The following NEGR1 variants were observed in gnomAD, a reference collection of about 807,000 sequenced individuals.
The protein encoded by NEGR1 is IgLON family member 4.
Under a neutral mutation model 40.9 loss-of-function variants are expected in NEGR1, and 10 were observed. That is an observed-to-expected ratio of 0.24 (90% CI 0.15 to 0.42). The LOEUF is 0.42. Among genes scored for constraint, NEGR1 ranks in the 10% least tolerant of loss-of-function variants. The pLI is 1.00. For synonymous variants in NEGR1, 185 were observed against 166.8 expected (o/e 1.11, Z -0.84); for missense variants, 352 against 438.9 (o/e 0.80, Z 1.77).
intron 6 of NEGR1, among the ~76,000 whole-genome samples, chr1:71,527,006 G>C (rs986378020): frequency 2.6e-5 from 4 of 151,496 alleles, no homozygotes; most frequent in African/African-American, 7.3e-5. Context: ...AATGGCTTTT[G>C]CCTAAACTAA....
chr1:71,528,181 A>G (rs897557039), intron 6 of NEGR1, among the ~76,000 whole-genome samples: 6 of 151,240 alleles, frequency 4.0e-5, no homozygotes, highest in African/African-American at 1.5e-4. Flanking sequence ...TACATTTTCT[A>G]CCATTTTGAC....
At chr1:71,936,798 G>A (rs1470687959) in intron 1 of NEGR1, among the ~76,000 whole-genome samples, 1 of 152,138 alleles carries the variant, frequency 6.6e-6, no homozygotes. Flanking sequence ...CAAAAATACA[G>A]CATTGTGTTT....
chr1:71,605,743 C>T (rs1481600374), intron 5 of NEGR1, among the ~76,000 whole-genome samples: 1 of 152,080 alleles, frequency 6.6e-6, no homozygotes, highest in Non-Finnish European at 1.5e-5. Flanking sequence ...TCTAATTTTC[C>T]CAAGGCTTAA....
intron 4 of NEGR1, among the ~76,000 whole-genome samples, chr1:71,611,939 T>C (rs934805036): frequency 2.0e-5 from 3 of 152,156 alleles, no homozygotes; most frequent in African/African-American, 4.8e-5. Context: ...ATGTATTGCA[T>C]TGGCCGAGTG....
chr1:71,608,629 A>C (rs1468286887), intron 5 of NEGR1, among the ~76,000 whole-genome samples: 2 of 151,790 alleles, frequency 1.3e-5, no homozygotes, highest in Admixed American at 1.3e-4. Flanking sequence ...TCTGATTGTT[A>C]GCTTTTAAGA....
At chr1:72,163,343 T>C (rs1392596860) in intron 1 of NEGR1, among the ~76,000 whole-genome samples, 2 of 152,134 alleles carry the variant, frequency 1.3e-5, no homozygotes, top group Non-Finnish European at 2.9e-5. Context: ...AACAATAAAA[T>C]CTTTTTATTA....
chr1:71,999,253 TAA>T (rs1206814926), intron 1 of NEGR1, among the ~76,000 whole-genome samples: 2 of 151,956 alleles, frequency 1.3e-5, no homozygotes, highest in African/African-American at 2.4e-5. Context: ...TCTTCTATTT[TAA>T]AAGAGTTCAA....
chr1:72,021,109 A>G lies in NEGR1; in HGVS notation c.177-85798T>C, dbSNP rs1646752268. ...ACATTCTGACTACGAATCCATTTGAAATCAAAAATAAAATATTACATTTTG... is the reference window on the plus strand; with the variant it reads ...ACATTCTGACTACGAATCCATTTGAGATCAAAAATAAAATATTACATTTTG... On this transcript the variant is annotated intron_variant, in intron 1 of 6. Transcript: ENST00000357731. Among the ~76,000 whole-genome samples, 7 of 152,306 alleles carry G rather than the reference A, an allele frequency of 4.6e-5. No homozygotes were observed. In the South Asian group the frequency reaches 1.4e-3, roughly 32 times the overall value.
intron 4 of NEGR1, among the ~76,000 whole-genome samples, chr1:71,640,108 T>G (rs17091550): frequency 0.037 from 5,587 of 152,148 alleles, 135 homozygotes; most frequent in African/African-American, 0.073. Context: ...CTAGTAATAT[T>G]TGCAATGTGA....
chr1:71,504,108 AAAAAT>A (rs1205834039), intron 6 of NEGR1, among the ~76,000 whole-genome samples: 4 of 151,144 alleles, frequency 2.6e-5, no homozygotes, highest in Non-Finnish European at 4.4e-5. Flanking sequence ...AATTAGATAA[AAAAAT>A]AAAATAAAAT....
intron 3 of NEGR1, among the ~76,000 whole-genome samples, chr1:71,751,419 A>G (rs1013068335): frequency 5.3e-5 from 8 of 152,212 alleles, no homozygotes; most frequent in African/African-American, 1.7e-4. Context: ...AATCCCTGTT[A>G]AGGGCATTTA....
Position 71,472,681 on chromosome 1 carries a change from T to C in NEGR1, c.941-65111A>G, listed in dbSNP as rs1396917471. On this transcript the variant is annotated intron_variant, in intron 6 of 6. Coordinates refer to ENST00000357731, the MANE Select transcript of NEGR1 (RefSeq NM_173808.3). ...ACCTTTCCTTACACTGTATGATAGA[T>C]GGGTGGTGGGAAACAAAATCTACTT... is the stretch of plus-strand genomic sequence containing the variant. 3 of 152,242 alleles carry C rather than the reference T, an allele frequency of 2.0e-5. No homozygotes were observed. The East Asian group carries it at 5.8e-4, about 29-fold the overall frequency. 9.4% of individuals were successfully genotyped at this position (152,242 alleles called of 1,614,324 possible).
intron 6 of NEGR1, among the ~76,000 whole-genome samples, chr1:71,591,340 C>A (rs552303691): frequency 1.3e-5 from 2 of 152,126 alleles, no homozygotes; most frequent in Non-Finnish European, 2.9e-5. Context: ...CAAATGTTTA[C>A]ACAAGTGGCA....
At chr1:71,711,930 T>A (rs890175109) in intron 3 of NEGR1, among the ~76,000 whole-genome samples, 1 of 152,224 alleles carries the variant, frequency 6.6e-6, no homozygotes, top group Non-Finnish European at 1.5e-5. Context: ...CAAAAGGCTA[T>A]ATATTGTATG....
intron 6 of NEGR1, among the ~76,000 whole-genome samples, chr1:71,431,678 T>G (rs900017073): frequency 2.0e-5 from 3 of 152,128 alleles, no homozygotes; most frequent in Admixed American, 1.3e-4. Flanking sequence ...ACAAACAAAT[T>G]TCTTGCTATC....
At chr1:71,956,886 T>A (rs75947899) in intron 1 of NEGR1, among the ~76,000 whole-genome samples, 1 of 152,230 alleles carries the variant, frequency 6.6e-6, no homozygotes, top group African/African-American at 2.4e-5. Flanking sequence ...CCCTTATCTG[T>A]AAAACAGAAT....
At chr1:71,626,955 C>T (rs1011818732) in intron 4 of NEGR1, among the ~76,000 whole-genome samples, 1 of 152,174 alleles carries the variant, frequency 6.6e-6, no homozygotes, top group Non-Finnish European at 1.5e-5. Context: ...GATACCATCT[C>T]ACACCAGTTA....
intron 4 of NEGR1, among the ~76,000 whole-genome samples, chr1:71,628,615 CTA>C (rs1248712523): frequency 6.6e-6 from 1 of 151,704 alleles, no homozygotes; most frequent in African/African-American, 2.4e-5. Flanking sequence ...CTCCCTTTGT[CTA>C]TGTGTTCTCA....
intron 2 of NEGR1, among the ~76,000 whole-genome samples, chr1:71,808,871 G>A (rs1657878497): frequency 6.6e-6 from 1 of 152,012 alleles, no homozygotes; most frequent in African/African-American, 2.4e-5. Context: ...ATAGCTCAAA[G>A]CAAACATAAA....
Sources: allele counts gnomAD v4.1 joint callset (sites outside exome capture counted in the v4.1 genomes callset), GRCh38; gene constraint gnomAD v4.1.1; transcripts MANE v1.5; gene names NCBI Gene and HGNC (gene_info 2026-07-23, HGNC 2026-07-21).